Variants in BSND observed in about 807,000 individuals in gnomAD.
BSND encodes barttin.
In BSND, 13 loss-of-function variants were observed where a neutral mutation model predicts 18.8. The observed-to-expected ratio is 0.69, with a 90% CI of 0.45 to 1.10. The LOEUF is 1.10. Ranked by LOEUF, BSND falls within the 50% of genes least tolerant of loss-of-function variation. BSND has a pLI of 0.00. For missense variants in BSND, 379 were observed against 416.7 expected (o/e 0.91, Z 0.79); for synonymous variants, 170 against 161.8 (o/e 1.05, Z -0.39).
At chr1:55,001,417 G>A (rs1353895983) in intron 1 of BSND, among the ~76,000 whole-genome samples, 1 of 152,064 alleles carries the variant, frequency 6.6e-6, no homozygotes, top group African/African-American at 2.4e-5. Flanking sequence ...ACTCCAATAA[G>A]GGAAGGGAGG....
At position 55,008,501 on chromosome 1, in the gene BSND, A is replaced by C. The variant is rs1412766582; in HGVS notation, c.836A>C (p.Glu279Ala). ...CCAAGGACAAAGGTGGAGGAGAAGG[A>C]GGCTTCGGACACAGGTGGGGAGGAA... The part of the protein sequence containing the change: ...RYPRTKVEEK[E>A]ASDTGGEEPE... Residue 279 changes from glutamate to alanine, a missense_variant, in exon 4 of 4, where the codon GAG (glutamate) becomes GCG (alanine). By Grantham distance (107) the Glu-to-Ala change is moderately radical (BLOSUM62 -1). Transcript: ENST00000651561. 1.2e-6 allele frequency: 2 copies of C among 1,614,204 alleles called. No individual in the cohort carries two copies. Among genetic ancestry groups the C allele is most frequent in the South Asian group, 1.1e-5 (1 of 91,082 alleles).
intron 1 of BSND, among the ~76,000 whole-genome samples, 193 bp downstream of exon 1, chr1:54,999,556 C>T (rs1016547922): frequency 2.7e-5 from 4 of 150,874 alleles, no homozygotes; most frequent in Admixed American, 6.6e-5. Flanking sequence ...TCCATCCATC[C>T]ATCCCTTAGC....
At position 55,016,480 on chromosome 1, in the gene BSND, T is replaced by C. The variant is rs1644452000; in HGVS notation, c.*7852T>C. Among the ~76,000 whole-genome samples the C allele has an allele frequency of 6.6e-6, 1 of 152,344 alleles. No homozygotes were observed. The highest frequency in any genetic ancestry group is 2.1e-4 in the South Asian group (1 of 4,826). On this transcript the variant is annotated 3_prime_UTR_variant, in exon 4 of 4. Coordinates refer to ENST00000651561, the MANE Select transcript of BSND (RefSeq NM_057176.3). ...GGAGGAACAGAGCTCTTTCTGACGTTGCTGATGTGAATGGGAGTGGTGGCA... is the reference window on the plus strand; with the variant it reads ...GGAGGAACAGAGCTCTTTCTGACGTCGCTGATGTGAATGGGAGTGGTGGCA...
intron 1 of BSND, among the ~76,000 whole-genome samples, chr1:55,001,413 A>G (rs956208042): frequency 6.6e-6 from 1 of 152,050 alleles, no homozygotes; most frequent in Non-Finnish European, 1.5e-5. Flanking sequence ...ATTGACTCCA[A>G]TAAGGGAAGG....
rs565011550 is a variant in BSND at position 55,005,846 on chromosome 1, T to G, written c.272+730T>G. 7.9e-5 allele frequency among the ~76,000 whole-genome samples: 12 copies of G among 152,270 alleles called. No homozygotes were observed. The South Asian group carries it at 2.3e-3, about 29-fold the overall frequency. On this transcript the variant is annotated intron_variant, in intron 2 of 3. Coordinates refer to ENST00000651561, the MANE Select transcript of BSND (RefSeq NM_057176.3). ...AGCCCCAAACCTCATGGGGAGTCAG[T>G]GATGGAAGCCGGGCCTGCACTCAGC...
In BSND at chr1:55,011,732, T is replaced by C. The variant is rs1644423480; in HGVS notation, c.*3104T>C. 6.6e-6 allele frequency: 1 copy of C among 152,234 alleles called. No homozygotes were observed. The highest frequency in any genetic ancestry group is 2.4e-5 in the African/African-American group (1 of 41,456). 9.4% of individuals were successfully genotyped at this position (152,234 alleles called of 1,614,324 possible). A position where few individuals can be genotyped will look rare whatever the true frequency, so the allele number is the denominator to read the frequency against. ...CAGGAGGCGGGGCTCATTCTATGAC[T>C]GGGTGTCTTCTTCAACCTTATCTAG... On this transcript the variant is annotated 3_prime_UTR_variant, in exon 4 of 4. Coordinates refer to ENST00000651561, the MANE Select transcript of BSND (RefSeq NM_057176.3).
Position 55,008,789 on chromosome 1 carries a change from A to G in BSND, c.*161A>G. ...AGAAATACACAGGGAGGGGATGATG[A>G]CTATTAGTGGACTCTTGTTTTTCCA... On this transcript the variant is annotated 3_prime_UTR_variant, in exon 4 of 4. Transcript: ENST00000651561. 2.8e-6 allele frequency: 3 copies of G among 1,078,082 alleles called. No homozygotes were observed. In the South Asian group the frequency reaches 4.1e-5, roughly 15 times the overall value. The allele number at this position is 1,078,082 out of a possible 1,614,324, so 66.8% of individuals were successfully genotyped here.
At chr1:55,005,765 G>T (rs920208939) in intron 2 of BSND, among the ~76,000 whole-genome samples, 1 of 152,226 alleles carries the variant, frequency 6.6e-6, no homozygotes, top group Non-Finnish European at 1.5e-5. Flanking sequence ...GTAAGGTGGG[G>T]GTGTTAGGCT....
At position 54,999,324 on chromosome 1, in the gene BSND, C is replaced by T. The variant is rs867796186; in HGVS notation, c.138C>T (p.Ile46=). Residue 46 remains isoleucine, a synonymous_variant, in exon 1 of 4, where the codon ATC becomes ATT. Coordinates refer to ENST00000651561, the MANE Select transcript of BSND (RefSeq NM_057176.3). ...TFYAMGSVMV[I]GGIIWSMCQC... ...ATGCCATGGGCAGCGTCATGGTGAT[C>T]GGGGGCATCATCTGGAGCATGTGCC... 68 of 1,612,962 alleles carry T rather than the reference C, an allele frequency of 4.2e-5. No individual in the cohort carries two copies. Among genetic ancestry groups the T allele is most frequent in the East Asian group, 4.5e-5 (2 of 44,842 alleles).
rs866054283 is a variant in BSND at position 55,014,854 on chromosome 1, G to A, written c.*6226G>A. ...GATAGCTGGTAGGCAACCCAGAAGA[G>A]GTGGGAGTTGCAAGCCAGGACTTAA... On this transcript the variant is annotated 3_prime_UTR_variant, in exon 4 of 4. Transcript: ENST00000651561. 1.8e-4 allele frequency among the ~76,000 whole-genome samples: 27 copies of A among 152,322 alleles called. No homozygotes were observed. Among genetic ancestry groups the A allele is most frequent in the South Asian group, 1.2e-3 (6 of 4,822 alleles).
chr1:55,002,686 A>G (rs937316813), intron 1 of BSND, among the ~76,000 whole-genome samples: 1 of 152,154 alleles, frequency 6.6e-6, no homozygotes, highest in Non-Finnish European at 1.5e-5. Context: ...TTGCATTTTA[A>G]GATGCCCCAT....
At position 55,016,530 on chromosome 1, in the gene BSND, G is replaced by A. The variant is rs1213426807; in HGVS notation, c.*7902G>A. Among the ~76,000 whole-genome samples the A allele has an allele frequency of 6.6e-6, 1 of 152,170 alleles. No individual in the cohort carries two copies. The highest frequency in any genetic ancestry group is 1.5e-5 in the Non-Finnish European group (1 of 68,038). On this transcript the variant is annotated 3_prime_UTR_variant, in exon 4 of 4. Coordinates refer to ENST00000651561, the MANE Select transcript of BSND (RefSeq NM_057176.3). ...AGCTTTTCTGTGAGTGCCTTCACAGGGGGCTGCCCCTTGATTCAGCAATTC... is the reference window on the plus strand; with the variant it reads ...AGCTTTTCTGTGAGTGCCTTCACAGAGGGCTGCCCCTTGATTCAGCAATTC...
Position 55,016,343 on chromosome 1 carries a change from A to T in BSND, c.*7715A>T, listed in dbSNP as rs1184395969. Among the ~76,000 whole-genome samples, 3 of 152,260 alleles carry T rather than the reference A, an allele frequency of 2.0e-5. No individual in the cohort carries two copies. Among genetic ancestry groups the T allele is most frequent in the Non-Finnish European group, 4.4e-5 (3 of 68,038 alleles). ...AAAAGAAACAAATGAAAACATGGTT[A>T]ACCTCAGGGGAATGCAAATTAAAAC... On this transcript the variant is annotated 3_prime_UTR_variant, in exon 4 of 4. Coordinates refer to ENST00000651561, the MANE Select transcript of BSND (RefSeq NM_057176.3).
rs1644451742 is a variant in BSND at position 55,016,430 on chromosome 1, A to C, written c.*7802A>C. 6.6e-6 allele frequency among the ~76,000 whole-genome samples: 1 copy of C among 152,242 alleles called. No individual in the cohort carries two copies. The highest frequency in any genetic ancestry group is 1.5e-5 in the Non-Finnish European group (1 of 68,040). Reference sequence around the variant, plus strand: ...TTGTAAAGATGATGTAATAAAGATAATAATAGGTGGAGCTGGCAGAATGTG... The same window carrying C: ...TTGTAAAGATGATGTAATAAAGATACTAATAGGTGGAGCTGGCAGAATGTG... On this transcript the variant is annotated 3_prime_UTR_variant, in exon 4 of 4. Coordinates refer to ENST00000651561, the MANE Select transcript of BSND (RefSeq NM_057176.3).
At position 55,001,104 on chromosome 1, in the gene BSND, C is replaced by A. The variant is rs1644359137; in HGVS notation, c.177+1741C>A. Among the ~76,000 whole-genome samples, 3 of 152,286 alleles carry A rather than the reference C, an allele frequency of 2.0e-5. 1 individual carries two copies. In the South Asian group the frequency reaches 6.2e-4, roughly 32 times the overall value. On this transcript the variant is annotated intron_variant, in intron 1 of 3. Coordinates refer to ENST00000651561, the MANE Select transcript of BSND (RefSeq NM_057176.3). ...AACCTCCAGGCCCAGATTCAAATCCCTGCTCCTTCATGTCCCACTTCTGTG... is the reference window on the plus strand; with the variant it reads ...AACCTCCAGGCCCAGATTCAAATCCATGCTCCTTCATGTCCCACTTCTGTG...
intron 1 of BSND, among the ~76,000 whole-genome samples, chr1:54,999,962 C>G (rs1644353500): frequency 6.6e-6 from 1 of 152,144 alleles, no homozygotes. Flanking sequence ...CATGTATTCT[C>G]AGCCTTATGT....
In BSND at chr1:55,008,215, C is replaced by T. The variant is rs773375286; in HGVS notation, c.550C>T (p.Pro184Ser). The T allele has an allele frequency of 1.9e-6, 3 of 1,613,826 alleles. No individual in the cohort carries two copies. Among genetic ancestry groups the T allele is most frequent in the Admixed American group, 3.3e-5 (2 of 60,020 alleles). ...CCCTTGTGGTCTTTGTCCCTGCAGC[C>T]CCCTGGCCTGTCCCCAGGGCCCTGC... ...ERRLTQSWPG[P>S]LACPQGPAPL... The change falls in exon 4 of 4, where the codon CCC becomes TCC. Residue 184 changes from proline to serine, a missense_variant and splice_region_variant. Transcript: ENST00000651561.
chr1:55,008,865 G>T lies in BSND; in HGVS notation c.*237G>T. ...TTGAAGGCAAAATATGATTTGTTGA[G>T]GTTTGCAGCAGCTGAAGCCCTCAAA... On this transcript the variant is annotated 3_prime_UTR_variant, in exon 4 of 4. Transcript: ENST00000651561. The T allele has an allele frequency of 1.6e-6, 1 of 632,372 alleles. No individual in the cohort carries two copies. Among genetic ancestry groups the T allele is most frequent in the Non-Finnish European group, 2.7e-6 (1 of 370,736 alleles). The allele number at this position is 632,372 out of a possible 1,614,324, so 39.2% of individuals were successfully genotyped here.
chr1:55,008,778 A>AG lies in BSND; in HGVS notation c.*154dup. ...GAGAATGGTAAAGAAATACACAGGG[A>AG]GGGGATGATGACTATTAGTGGACTC... On this transcript the variant is annotated 3_prime_UTR_variant, in exon 4 of 4. Coordinates refer to ENST00000651561, the MANE Select transcript of BSND (RefSeq NM_057176.3). The AG allele has an allele frequency of 8.4e-7, 1 of 1,189,228 alleles. No homozygotes were observed. Among genetic ancestry groups the AG allele is most frequent in the Non-Finnish European group, 1.2e-6 (1 of 824,878 alleles). 73.7% of individuals were successfully genotyped at this position (1,189,228 alleles called of 1,614,324 possible). A position where few individuals can be genotyped will look rare whatever the true frequency, so the allele number is the denominator to read the frequency against.
Sources: allele counts gnomAD v4.1 joint callset (sites outside exome capture counted in the v4.1 genomes callset), GRCh38; gene constraint gnomAD v4.1.1; transcripts MANE v1.5; gene names NCBI Gene and HGNC (gene_info 2026-07-23, HGNC 2026-07-21).